The following ST6GALNAC3 variants were observed in gnomAD, a reference collection of about 807,000 sequenced individuals.
ST6GALNAC3 encodes ST6 N-acetylgalactosaminide alpha-2,6-sialyltransferase 3.
A neutral mutation model predicts 32.7 loss-of-function variants in ST6GALNAC3; 25 were observed. The ratio of observed to expected loss-of-function variants is 0.76; its 90% CI spans 0.56 to 1.07. ST6GALNAC3 has a LOEUF of 1.07. Among genes scored for constraint, ST6GALNAC3 ranks in the 50% least tolerant of loss-of-function variants. The pLI is 0.00. For synonymous variants in ST6GALNAC3, 129 were observed against 133.1 expected, an observed-to-expected ratio of 0.97 and a Z score of 0.21; for missense variants, 355 against 382.4, an observed-to-expected ratio of 0.93 and a Z score of 0.60.
In ST6GALNAC3 at chr1:76,216,863, G is replaced by A. The variant is rs370696471; in HGVS notation, c.19-96942G>A. The stretch of plus-strand genomic sequence containing the variant: ...TTGTCATCAGTTACAGTGGCAGGAG[G>A]ACAAATCACTGGCACATAAAGTTGT... On this transcript the variant is annotated intron_variant, in intron 1 of 4. Transcript: ENST00000328299. Among the ~76,000 whole-genome samples the A allele has an allele frequency of 9.3e-4, 142 of 152,226 alleles. 3 individuals carry two copies. Among genetic ancestry groups the A allele is most frequent in the African/African-American group, 3.3e-3 (136 of 41,540 alleles).
intron 1 of ST6GALNAC3, among the ~76,000 whole-genome samples, chr1:76,152,823 T>G (rs1651128302): frequency 6.6e-6 from 1 of 152,202 alleles, no homozygotes; most frequent in African/African-American, 2.4e-5. Context: ...GAGAAAAGGT[T>G]TAGAGGTTCC....
chr1:76,385,410 A>G (rs1416737242), intron 2 of ST6GALNAC3, among the ~76,000 whole-genome samples: 2 of 152,144 alleles, frequency 1.3e-5, no homozygotes, highest in African/African-American at 4.8e-5. Flanking sequence ...GTGGTTAAGG[A>G]CACAACTCTA....
At chr1:76,567,087 A>G (rs1227470157) in intron 3 of ST6GALNAC3, among the ~76,000 whole-genome samples, 1 of 152,184 alleles carries the variant, frequency 6.6e-6, no homozygotes, top group Non-Finnish European at 1.5e-5. Context: ...GGGAGAGAGG[A>G]AAAAAAGGAT....
intron 3 of ST6GALNAC3, among the ~76,000 whole-genome samples, chr1:76,513,362 TC>T (rs1661987357): frequency 6.6e-6 from 1 of 152,166 alleles, no homozygotes; most frequent in African/African-American, 2.4e-5. Flanking sequence ...ATCCTATTTT[TC>T]CAGCACTGTT....
At chr1:76,335,992 A>T (rs1463517870) in intron 2 of ST6GALNAC3, among the ~76,000 whole-genome samples, 1 of 152,204 alleles carries the variant, frequency 6.6e-6, no homozygotes, top group Non-Finnish European at 1.5e-5. Flanking sequence ...AAAAAAGTGC[A>T]TGGATTTTAA....
chr1:76,619,154 A>G (rs1322507911), intron 3 of ST6GALNAC3, among the ~76,000 whole-genome samples: 22 of 152,158 alleles, frequency 1.4e-4, no homozygotes, highest in Non-Finnish European at 3.2e-4. Context: ...CAGAAGCTTC[A>G]ATAGGTAGAG....
intron 2 of ST6GALNAC3, among the ~76,000 whole-genome samples, chr1:76,382,397 T>C (rs1651778540): frequency 6.6e-6 from 1 of 152,164 alleles, no homozygotes. Context: ...CTGGAATCTG[T>C]AGACAAGAAT....
chr1:76,613,763 C>A (rs1648096394), intron 3 of ST6GALNAC3, among the ~76,000 whole-genome samples: 1 of 152,216 alleles, frequency 6.6e-6, no homozygotes, highest in Admixed American at 6.5e-5. Flanking sequence ...TGACTTCCGT[C>A]ATGATTGTGG....
chr1:76,080,206 T>C (rs1243388133), intron 1 of ST6GALNAC3, among the ~76,000 whole-genome samples: 1 of 152,248 alleles, frequency 6.6e-6, no homozygotes, highest in African/African-American at 2.4e-5. Context: ...GAAAAGGCTT[T>C]GTTTTATTCA....
chr1:76,282,178 T>A (rs77644102), intron 1 of ST6GALNAC3, among the ~76,000 whole-genome samples: 1,783 of 152,094 alleles, frequency 0.012, 22 homozygotes, highest in Non-Finnish European at 0.017. Flanking sequence ...CTAGTCCTTT[T>A]CCTTCCCTTT....
At chr1:76,395,439 G>A (rs1300396170) in intron 2 of ST6GALNAC3, among the ~76,000 whole-genome samples, 1 of 152,012 alleles carries the variant, frequency 6.6e-6, no homozygotes, top group Admixed American at 6.6e-5. Flanking sequence ...CCTACTACTG[G>A]GTAGTTCTCA....
At chr1:76,515,377 T>C (rs946620804) in intron 3 of ST6GALNAC3, among the ~76,000 whole-genome samples, 1 of 152,142 alleles carries the variant, frequency 6.6e-6, no homozygotes, top group Non-Finnish European at 1.5e-5. Context: ...AAAAACCAAC[T>C]CTTTTGTTGT....
chr1:76,489,130 A>G (rs549176406), intron 3 of ST6GALNAC3, among the ~76,000 whole-genome samples: 1 of 152,306 alleles, frequency 6.6e-6, no homozygotes, highest in Non-Finnish European at 1.5e-5. Flanking sequence ...TTATTACTTA[A>G]ATTAATGAAT....
At chr1:76,433,315 GA>G (rs1159638942) in intron 3 of ST6GALNAC3, among the ~76,000 whole-genome samples, 2 of 152,000 alleles carry the variant, frequency 1.3e-5, no homozygotes, top group Non-Finnish European at 2.9e-5. Flanking sequence ...AAGAAAAAAA[GA>G]GATTTTTTTA....
At chr1:76,626,291 T>G (rs938354660) in intron 3 of ST6GALNAC3, among the ~76,000 whole-genome samples, 1 of 152,012 alleles carries the variant, frequency 6.6e-6, no homozygotes, top group African/African-American at 2.4e-5. Flanking sequence ...GAAGTCTATA[T>G]GGAAGATAGA....
chr1:76,457,235 T>C (rs1209342523), intron 3 of ST6GALNAC3, among the ~76,000 whole-genome samples: 2 of 152,096 alleles, frequency 1.3e-5, no homozygotes, highest in East Asian at 1.9e-4. Flanking sequence ...CATTCCATGC[T>C]CATGGATAGG....
intron 3 of ST6GALNAC3, among the ~76,000 whole-genome samples, chr1:76,445,531 A>G (rs1177691933): frequency 1.3e-5 from 2 of 152,230 alleles, no homozygotes; most frequent in African/African-American, 2.4e-5. Flanking sequence ...GTATAAATAC[A>G]CTGTGTATGG....
chr1:76,523,762 C>G (rs369613660), intron 3 of ST6GALNAC3, among the ~76,000 whole-genome samples: 1 of 152,148 alleles, frequency 6.6e-6, no homozygotes, highest in African/African-American at 2.4e-5. Flanking sequence ...CCCTGCACAC[C>G]TTCAATATTT....
intron 3 of ST6GALNAC3, among the ~76,000 whole-genome samples, chr1:76,503,688 C>T (rs1164246774): frequency 6.6e-6 from 1 of 152,234 alleles, no homozygotes; most frequent in Non-Finnish European, 1.5e-5. Flanking sequence ...ACTGCCTGCT[C>T]TAAACATTCT....
Sources: allele counts gnomAD v4.1 joint callset (sites outside exome capture counted in the v4.1 genomes callset), GRCh38; gene constraint gnomAD v4.1.1; transcripts MANE v1.5; gene names NCBI Gene and HGNC (gene_info 2026-07-23, HGNC 2026-07-21).